Variants in CHST11 observed in about 807,000 individuals in gnomAD.
CHST11 encodes the protein carbohydrate sulfotransferase 11.
In CHST11, 9 loss-of-function variants were observed where a neutral mutation model predicts 30.4. That is an observed-to-expected ratio of 0.30 (90% confidence interval 0.18 to 0.52). The LOEUF is 0.52. Among genes scored for constraint, CHST11 ranks in the 20% least tolerant of loss-of-function variants. The pLI is 0.97. For synonymous variants in CHST11, 152 were observed against 187.8 expected, an observed-to-expected ratio of 0.81 and a Z score of 1.56; for missense variants, 348 against 460.6, an observed-to-expected ratio of 0.76 and a Z score of 2.24.
chr12:104,684,293 T>C (rs560100756), intron 2 of CHST11, among the ~76,000 whole-genome samples: 1 of 151,858 alleles, frequency 6.6e-6, no homozygotes, highest in East Asian at 1.9e-4. Context: ...GATGGATGGA[T>C]GGATGGATGG....
At chr12:104,530,428 C>T (rs1411922704) in intron 1 of CHST11, among the ~76,000 whole-genome samples, 1 of 152,154 alleles carries the variant, frequency 6.6e-6, no homozygotes, top group Non-Finnish European at 1.5e-5. Context: ...TGTCTTGAGA[C>T]CTTTTTATAC....
At chr12:104,669,590 C>G (rs1383522760) in intron 2 of CHST11, among the ~76,000 whole-genome samples, 2 of 152,138 alleles carry the variant, frequency 1.3e-5, no homozygotes, top group Non-Finnish European at 2.9e-5. Flanking sequence ...GTAGAGTGCT[C>G]CCCCTTTCTG....
At chr12:104,570,454 A>G (rs984147202) in intron 1 of CHST11, among the ~76,000 whole-genome samples, 4 of 152,060 alleles carry the variant, frequency 2.6e-5, no homozygotes, top group Non-Finnish European at 5.9e-5. Flanking sequence ...TTGGTGTCCC[A>G]TCTATGCCTC....
In CHST11 at chr12:104,687,673, T is replaced by C. The variant is rs138272462; in HGVS notation, c.205-69276T>C. On this transcript the variant is annotated intron_variant, in intron 2 of 2. Coordinates refer to ENST00000303694, the MANE Select transcript of CHST11 (RefSeq NM_018413.6). ...CTGGGAAGTGAGGAGGTACTACGAG[T>C]TGAAATGAGAAGATAGATGTCAAGG... Among the ~76,000 whole-genome samples the C allele has an allele frequency of 3.3e-3, 499 of 152,066 alleles. 4 individuals carry two copies. Among genetic ancestry groups the C allele is most frequent in the African/African-American group, 0.011 (447 of 41,472 alleles).
intron 2 of CHST11, among the ~76,000 whole-genome samples, chr12:104,631,467 G>A (rs186369026): frequency 1.3e-5 from 2 of 152,222 alleles, no homozygotes; most frequent in East Asian, 3.9e-4. Context: ...CTTGCTTTCC[G>A]AGGCCACCTT....
intron 2 of CHST11, among the ~76,000 whole-genome samples, chr12:104,706,870 G>A (rs979760964): frequency 1.3e-5 from 2 of 152,164 alleles, no homozygotes; most frequent in Non-Finnish European, 2.9e-5. Context: ...AGAACTTGGG[G>A]CAAAATGTAG....
At chr12:104,463,089 G>A (rs1195883459) in intron 1 of CHST11, among the ~76,000 whole-genome samples, 1 of 152,144 alleles carries the variant, frequency 6.6e-6, no homozygotes, top group African/African-American at 2.4e-5. Context: ...AGCTTTATCA[G>A]CACAGTCATT....
At chr12:104,639,861 A>G (rs2039358826) in intron 2 of CHST11, among the ~76,000 whole-genome samples, 1 of 151,750 alleles carries the variant, frequency 6.6e-6, no homozygotes, top group Non-Finnish European at 1.5e-5. Flanking sequence ...CCAAATATAC[A>G]GAGAACTCTT....
At chr12:104,667,962 T>C (rs1263724835) in intron 2 of CHST11, among the ~76,000 whole-genome samples, 1 of 152,194 alleles carries the variant, frequency 6.6e-6, no homozygotes, top group Non-Finnish European at 1.5e-5. Flanking sequence ...TTGAAACCAC[T>C]AATTCTAAAG....
At position 104,647,265 on chromosome 12, in the gene CHST11, G is replaced by A. The variant is rs576391095; in HGVS notation, c.204+45274G>A. Among the ~76,000 whole-genome samples the A allele has an allele frequency of 3.9e-5, 6 of 152,310 alleles. No homozygotes were observed. The East Asian group carries it at 1.2e-3, about 29-fold the overall frequency. ...TCAGAGTCCGGCAGCAGCATGCAAG[G>A]TAGACATCTTTGTTTTTTCCTGATG... On this transcript the variant is annotated intron_variant, in intron 2 of 2. Coordinates refer to ENST00000303694, the MANE Select transcript of CHST11 (RefSeq NM_018413.6).
chr12:104,646,184 C>T (rs1322520399), intron 2 of CHST11, among the ~76,000 whole-genome samples: 5 of 152,184 alleles, frequency 3.3e-5, no homozygotes, highest in East Asian at 1.9e-4. Flanking sequence ...ATCCACTCCC[C>T]GCATCCCGTT....
intron 1 of CHST11, among the ~76,000 whole-genome samples, chr12:104,518,819 A>G (rs1014477275): frequency 6.6e-5 from 10 of 152,196 alleles, no homozygotes; most frequent in African/African-American, 1.9e-4. Context: ...TCTGTGATCC[A>G]ATATTAATTT....
chr12:104,626,737 G>A lies in CHST11; in HGVS notation c.204+24746G>A, dbSNP rs563319580. ...GCAGTTTTAGGTTCATGGCAAAATC[G>A]AGCAGAAGGCACAGAAAATTCCCAG... On this transcript the variant is annotated intron_variant, in intron 2 of 2. Transcript: ENST00000303694. 4.0e-5 allele frequency among the ~76,000 whole-genome samples: 6 copies of A among 151,562 alleles called. No homozygotes were observed. The South Asian group carries it at 6.3e-4, about 16-fold the overall frequency.
chr12:104,739,313 G>A (rs148188014), intron 2 of CHST11, among the ~76,000 whole-genome samples: 1 of 152,350 alleles, frequency 6.6e-6, no homozygotes, highest in East Asian at 1.9e-4. Context: ...TGGGAAAGGT[G>A]TCCTCATCTT....
chr12:104,507,551 A>G (rs552363499), intron 1 of CHST11, among the ~76,000 whole-genome samples: 1 of 152,266 alleles, frequency 6.6e-6, no homozygotes, highest in East Asian at 1.9e-4. Flanking sequence ...CTCATCAGTT[A>G]TTGCCACCAC....
intron 2 of CHST11, among the ~76,000 whole-genome samples, chr12:104,737,420 G>A (rs1425109739): frequency 6.6e-6 from 1 of 152,232 alleles, no homozygotes; most frequent in East Asian, 1.9e-4. Flanking sequence ...TTTGTAAGTT[G>A]GGGATATCAC....
chr12:104,724,448 T>C (rs2040201917), intron 2 of CHST11, among the ~76,000 whole-genome samples: 1 of 152,082 alleles, frequency 6.6e-6, no homozygotes. Context: ...AGATGGTACA[T>C]TTTGTGTTGT....
chr12:104,610,563 C>T (rs2039050491), intron 2 of CHST11, among the ~76,000 whole-genome samples: 1 of 152,220 alleles, frequency 6.6e-6, no homozygotes, highest in Non-Finnish European at 1.5e-5. Context: ...CTGAATTACC[C>T]TCAATTATAA....
intron 1 of CHST11, among the ~76,000 whole-genome samples, chr12:104,540,136 T>C (rs190063228): frequency 5.9e-5 from 9 of 152,384 alleles, no homozygotes; most frequent in Admixed American, 2.6e-4. Flanking sequence ...GTTTTGCTTT[T>C]TGGAACTTTA....
Sources: gnomAD v4.1 joint callset for allele counts (sites outside exome capture counted in the v4.1 genomes callset) on GRCh38, gnomAD v4.1.1 for gene constraint, MANE v1.5 for transcripts, NCBI Gene and HGNC (gene_info 2026-07-23, HGNC 2026-07-21) for gene names.